ALK: variants seen among roughly 807,000 people sequenced by gnomAD.
The protein encoded by ALK is ALK receptor tyrosine kinase, also known as ALK tyrosine kinase receptor.
A neutral mutation model predicts 163.1 loss-of-function variants in ALK; 74 were observed. The observed-to-expected ratio is 0.45, with a 90% CI of 0.38 to 0.55. The LOEUF is 0.55. Ranked by LOEUF, ALK falls within the 20% of genes least tolerant of loss-of-function variation. ALK has a pLI of 0.00. For missense variants in ALK, 2,063 were observed against 2,105.3 expected (o/e 0.98, Z 0.39); for synonymous variants, 960 against 843.2 (o/e 1.14, Z -2.40).
At position 29,777,550 on chromosome 2, in the gene ALK, C is replaced by T. The variant is rs137934298; in HGVS notation, c.668-59853G>A. Among the ~76,000 whole-genome samples, 6 of 152,242 alleles carry T rather than the reference C, an allele frequency of 3.9e-5. No individual in the cohort carries two copies. The South Asian group carries it at 6.2e-4, about 16-fold the overall frequency. On this transcript the variant is annotated intron_variant, in intron 1 of 28. Coordinates refer to ENST00000389048, the MANE Select transcript of ALK (RefSeq NM_004304.5). The stretch of plus-strand genomic sequence containing the variant: ...GTCAGAAATTCATGCAGCAACTTCT[C>T]GCTGACTGGCTGGCTTTCTCTTCCC...
At chr2:29,906,146 A>G (rs996336300) in intron 1 of ALK, among the ~76,000 whole-genome samples, 2 of 152,050 alleles carry the variant, frequency 1.3e-5, no homozygotes, top group East Asian at 1.9e-4. Flanking sequence ...GCAGGGGGGA[A>G]GAAGCAGGCT....
At chr2:29,321,147 A>G (rs1225811928) in intron 6 of ALK, among the ~76,000 whole-genome samples, 1 of 152,252 alleles carries the variant, frequency 6.6e-6, no homozygotes, top group African/African-American at 2.4e-5. Flanking sequence ...TTGTTAGTCC[A>G]GTTGTATATC....
intron 1 of ALK, among the ~76,000 whole-genome samples, chr2:29,909,478 GAC>G (rs1491068508): frequency 2.3e-5 from 3 of 131,354 alleles, no homozygotes; most frequent in South Asian, 5.1e-4. Context: ...GAGACAGACA[GAC>G]AGAGAGAGAG....
At chr2:29,721,051 G>A (rs545277198) in intron 1 of ALK, among the ~76,000 whole-genome samples, 1 of 152,192 alleles carries the variant, frequency 6.6e-6, no homozygotes, top group African/African-American at 2.4e-5. Context: ...ACAAGTGAAG[G>A]CCTGAAGAGA....
intron 12 of ALK, among the ~76,000 whole-genome samples, chr2:29,247,523 C>T (rs1664711686): frequency 6.6e-6 from 1 of 152,226 alleles, no homozygotes; most frequent in Non-Finnish European, 1.5e-5. Context: ...AGCCTGCTGT[C>T]TTCTCCTGCC....
In ALK at chr2:29,830,955, AAAGAAGAAGAAGAAGAAGAAGAAG is replaced by A. The variant is rs1161936241; in HGVS notation, c.667+89014_667+89037del. 2.1e-3 allele frequency among the ~76,000 whole-genome samples: 59 copies of A among 27,736 alleles called. 5 individuals are homozygous for A. The highest frequency in any genetic ancestry group is 6.3e-3 in the African/African-American group (53 of 8,406). The allele number at this position is 27,736 out of a possible 152,430, so 18.2% of individuals were successfully genotyped here. ...GAAGAAGAAGAAGAAAAGAAGAAGAAAAGAAGAAGAAGAAGAAGAAGAAGAAGAAGAAGAAGAAGAAGAAGAAGA... is the reference window on the plus strand; with the variant it reads ...GAAGAAGAAGAAGAAAAGAAGAAGAAAAGAAGAAGAAGAAGAAGAAGAAGA... On this transcript the variant is annotated intron_variant, in intron 1 of 28. Transcript: ENST00000389048.
At chr2:29,413,114 G>C (rs952898409) in intron 4 of ALK, among the ~76,000 whole-genome samples, 13 of 152,146 alleles carry the variant, frequency 8.5e-5, no homozygotes, top group African/African-American at 3.1e-4. Context: ...GCCTGTTACT[G>C]GCAACATCAG....
chr2:29,308,507 G>A (rs1666594409), intron 8 of ALK, among the ~76,000 whole-genome samples: 1 of 152,234 alleles, frequency 6.6e-6, no homozygotes, highest in Non-Finnish European at 1.5e-5. Flanking sequence ...ACTTCAGGGA[G>A]AATCAAGTTA....
chr2:29,881,672 G>A (rs1358911673), intron 1 of ALK, among the ~76,000 whole-genome samples: 1 of 152,120 alleles, frequency 6.6e-6, no homozygotes, highest in African/African-American at 2.4e-5. Context: ...CAAGAATGGG[G>A]CAAAAGTTCT....
At chr2:29,887,111 T>C (rs959205090) in intron 1 of ALK, among the ~76,000 whole-genome samples, 4 of 152,184 alleles carry the variant, frequency 2.6e-5, no homozygotes, top group Non-Finnish European at 4.4e-5. Context: ...AATTTAGTGG[T>C]TTAAAGCAAC....
At position 29,195,851 on chromosome 2, in the gene ALK, G is replaced by A. The variant is rs1318677676; in HGVS notation, c.4164+919C>T. Reference sequence around the variant, plus strand: ...AAGAAAGTGAATACAGGGAAGAGGAGAGCATCGGACAGAACAAAGCCCTGA... The same window carrying A: ...AAGAAAGTGAATACAGGGAAGAGGAAAGCATCGGACAGAACAAAGCCCTGA... On this transcript the variant is annotated intron_variant, in intron 28 of 28. Transcript: ENST00000389048. Among the ~76,000 whole-genome samples the A allele has an allele frequency of 2.0e-5, 3 of 152,332 alleles. No individual in the cohort carries two copies. The East Asian group carries it at 5.8e-4, about 29-fold the overall frequency.
At chr2:29,354,532 T>C (rs997349746) in intron 5 of ALK, among the ~76,000 whole-genome samples, 6 of 152,076 alleles carry the variant, frequency 3.9e-5, no homozygotes, top group East Asian at 1.9e-4. Flanking sequence ...ATGGGAGCCA[T>C]GGCATCGTGC....
intron 2 of ALK, among the ~76,000 whole-genome samples, chr2:29,698,198 CCA>C (rs1015319197): frequency 1.3e-5 from 2 of 152,184 alleles, no homozygotes; most frequent in African/African-American, 2.4e-5. Context: ...TGTCCAGGAA[CCA>C]CAGGCTGCCT....
At chr2:29,676,479 C>A (rs1408087539) in intron 3 of ALK, among the ~76,000 whole-genome samples, 1 of 151,994 alleles carries the variant, frequency 6.6e-6, no homozygotes, top group African/African-American at 2.4e-5. Context: ...ATAAATTAAA[C>A]ATGTATTTAT....
At chr2:29,346,690 T>G (rs576181044) in intron 5 of ALK, among the ~76,000 whole-genome samples, 1 of 152,266 alleles carries the variant, frequency 6.6e-6, no homozygotes, top group African/African-American at 2.4e-5. Context: ...AGATTTATTG[T>G]GATCCCGGCA....
chr2:29,284,204 C>T (rs1665788868), intron 9 of ALK, among the ~76,000 whole-genome samples: 1 of 151,992 alleles, frequency 6.6e-6, no homozygotes, highest in South Asian at 2.1e-4. Flanking sequence ...GTGGGTGGGA[C>T]ACCAGTCAGG....
rs533955519 is a variant in ALK, at chr2:29,769,680, A to G, written c.668-51983T>C. Reference sequence around the variant, plus strand: ...TTCAGAGGTGTTCCCTCTTTAGAGGAGTGATCAGACAGATTTACAATGAAC... The same window carrying G: ...TTCAGAGGTGTTCCCTCTTTAGAGGGGTGATCAGACAGATTTACAATGAAC... On this transcript the variant is annotated intron_variant, in intron 1 of 28. Transcript: ENST00000389048. Among the ~76,000 whole-genome samples the G allele has an allele frequency of 3.9e-5, 6 of 152,332 alleles. No homozygotes were observed. In the East Asian group the frequency reaches 1.2e-3, roughly 29 times the overall value.
intron 1 of ALK, among the ~76,000 whole-genome samples, chr2:29,745,158 A>G (rs1323069147): frequency 6.6e-6 from 1 of 152,140 alleles, no homozygotes; most frequent in Admixed American, 6.5e-5. Flanking sequence ...TTGTATGGCT[A>G]TTTCATTTCA....
intron 1 of ALK, among the ~76,000 whole-genome samples, chr2:29,739,929 A>C (rs1416941203): frequency 6.6e-6 from 1 of 152,130 alleles, no homozygotes; most frequent in African/African-American, 2.4e-5. Context: ...TAAGGATGCA[A>C]CTAGAAATGT....
Sources: allele counts gnomAD v4.1 joint callset (sites outside exome capture counted in the v4.1 genomes callset), GRCh38; gene constraint gnomAD v4.1.1; transcripts MANE v1.5; gene names NCBI Gene and HGNC (gene_info 2026-07-23, HGNC 2026-07-21).